FAM171B: variants seen among roughly 807,000 people sequenced by gnomAD.
FAM171B encodes family with sequence similarity 171 member B, also known as protein FAM171B.
A neutral mutation model predicts 75.6 loss-of-function variants in FAM171B; 19 were observed. The ratio of observed to expected loss-of-function variants is 0.25; its 90% CI spans 0.18 to 0.37. The LOEUF (loss-of-function observed/expected upper bound fraction) is 0.37. Among genes scored for constraint, FAM171B ranks in the 10% least tolerant of loss-of-function variants. FAM171B has a pLI of 1.00. For missense variants in FAM171B, 848 were observed against 982.4 expected (o/e 0.86, Z 1.83); for synonymous variants, 367 against 361.7 (o/e 1.01, Z -0.17).
At chr2:186,729,666 G>C (rs1307067335) in intron 1 of FAM171B, among the ~76,000 whole-genome samples, 1 of 151,768 alleles carries the variant, frequency 6.6e-6, no homozygotes, top group Admixed American at 6.6e-5. Context: ...GGTTTTTTTT[G>C]TTTTGTTTTG....
chr2:186,711,063 T>C (rs1264777301), intron 1 of FAM171B, among the ~76,000 whole-genome samples: 3 of 152,186 alleles, frequency 2.0e-5, no homozygotes, highest in African/African-American at 7.2e-5. Flanking sequence ...TAAAAACTTT[T>C]AAATAAGTGA....
At chr2:186,726,851 T>C (rs1225211973) in intron 1 of FAM171B, among the ~76,000 whole-genome samples, 4 of 152,350 alleles carry the variant, frequency 2.6e-5, no homozygotes, top group African/African-American at 9.6e-5. Flanking sequence ...ATTATAGTAA[T>C]GTAAAATATT....
At chr2:186,748,891 C>T (rs952602354) in intron 4 of FAM171B, among the ~76,000 whole-genome samples, 1 of 152,120 alleles carries the variant, frequency 6.6e-6, no homozygotes, top group Non-Finnish European at 1.5e-5. Context: ...TACACACTAT[C>T]ACAAATGAAG....
Position 186,694,237 on chromosome 2 carries a change from A to G in FAM171B, c.64A>G (p.Lys22Glu). The G allele has an allele frequency of 6.2e-7, 1 of 1,611,608 alleles. No individual in the cohort carries two copies. The highest frequency in any genetic ancestry group is 8.5e-7 in the Non-Finnish European group (1 of 1,179,856). ...LLLGLAVVLL[K>E]ARLVPAAARA... ...TCTCGGCCTGGCCGTGGTGCTGCTG[A>G]AAGCGCGGCTGGTCCCCGCGGCCGC... Residue 22 changes from lysine (K) to glutamate (E), a missense_variant, in exon 1 of 8, where the codon AAA becomes GAA. Physicochemically the swap from Lys to Glu is moderately conservative, Grantham distance 56. Around this residue, in one of 3 missense-constraint regions of FAM171B, gnomAD observed 665 missense variants for 729.0 expected, o/e 0.91. Coordinates refer to ENST00000304698, the MANE Select transcript of FAM171B (RefSeq NM_177454.4).
chr2:186,713,073 T>A (rs1417263296), intron 1 of FAM171B, among the ~76,000 whole-genome samples: 1 of 152,210 alleles, frequency 6.6e-6, no homozygotes, highest in Non-Finnish European at 1.5e-5. Flanking sequence ...CCTCAGTTCA[T>A]GGTTGTGATG....
At chr2:186,727,065 C>G (rs969813975) in intron 1 of FAM171B, among the ~76,000 whole-genome samples, 1 of 152,092 alleles carries the variant, frequency 6.6e-6, no homozygotes, top group African/African-American at 2.4e-5. Flanking sequence ...CCTCTTCCCT[C>G]TCTCCCCCCA....
At position 186,706,584 on chromosome 2, in the gene FAM171B, T is replaced by C. The variant is rs185795857; in HGVS notation, c.238+12173T>C. ...GGTGTTCCAAAGATAAATAATAGCA[T>C]GTGTTGAGTTTGGAAAGCTGCAGCT... On this transcript the variant is annotated intron_variant, in intron 1 of 7. Transcript: ENST00000304698. 3.9e-5 allele frequency among the ~76,000 whole-genome samples: 6 copies of C among 152,272 alleles called. No homozygotes were observed. The South Asian group carries it at 6.2e-4, about 16-fold the overall frequency.
chr2:186,696,689 A>G (rs755383998), intron 1 of FAM171B, among the ~76,000 whole-genome samples: 4 of 151,640 alleles, frequency 2.6e-5, no homozygotes, highest in Non-Finnish European at 5.9e-5. Flanking sequence ...TGGCCTTTGC[A>G]CTTGCCATTT....
At chr2:186,737,412 A>G (rs1377593405) in intron 1 of FAM171B, among the ~76,000 whole-genome samples, 3 of 152,084 alleles carry the variant, frequency 2.0e-5, no homozygotes, top group Non-Finnish European at 4.4e-5. Context: ...GCTGGAGTGC[A>G]GTGGTGTGAT....
chr2:186,696,924 T>C (rs1689590531), intron 1 of FAM171B, among the ~76,000 whole-genome samples: 1 of 152,174 alleles, frequency 6.6e-6, no homozygotes, highest in Non-Finnish European at 1.5e-5. Flanking sequence ...GACTTTGTTT[T>C]GTTCACTGCT....
At chr2:186,716,557 A>G (rs184703698) in intron 1 of FAM171B, among the ~76,000 whole-genome samples, 4 of 152,316 alleles carry the variant, frequency 2.6e-5, no homozygotes, top group African/African-American at 7.2e-5. Flanking sequence ...TGATTACTGC[A>G]TAATATTGCA....
At chr2:186,737,797 G>A (rs1337182975) in intron 1 of FAM171B, among the ~76,000 whole-genome samples, 1 of 152,214 alleles carries the variant, frequency 6.6e-6, no homozygotes, top group African/African-American at 2.4e-5. Context: ...TTTATTCTAA[G>A]AACTTTGACT....
chr2:186,734,624 G>C (rs1322820806), intron 1 of FAM171B, among the ~76,000 whole-genome samples: 2 of 152,206 alleles, frequency 1.3e-5, no homozygotes, highest in African/African-American at 4.8e-5. Flanking sequence ...GGAAGTACAT[G>C]CTGATTGGTC....
intron 2 of FAM171B, among the ~76,000 whole-genome samples, chr2:186,741,280 GAAAAT>G (rs1473794016): frequency 1.3e-5 from 2 of 151,858 alleles, no homozygotes; most frequent in Non-Finnish European, 1.5e-5. Flanking sequence ...TTAAATATAA[GAAAAT>G]AAACTATCTG....
At chr2:186,726,147 A>G (rs1690029755) in intron 1 of FAM171B, among the ~76,000 whole-genome samples, 1 of 152,232 alleles carries the variant, frequency 6.6e-6, no homozygotes, top group Non-Finnish European at 1.5e-5. Context: ...TTTGCTCCAT[A>G]ACATTTTATA....
At chr2:186,719,274 T>A (rs961493613) in intron 1 of FAM171B, among the ~76,000 whole-genome samples, 2 of 152,250 alleles carry the variant, frequency 1.3e-5, no homozygotes, top group African/African-American at 4.8e-5. Flanking sequence ...GCTTGTATCT[T>A]GCAGTTTCTG....
In FAM171B at chr2:186,763,726, T is replaced by A. The variant is rs1191197740; in HGVS notation, c.*903T>A. The A allele has an allele frequency of 5.3e-5, 8 of 151,124 alleles. No individual in the cohort carries two copies. Among genetic ancestry groups the A allele is most frequent in the South Asian group, 2.1e-4 (1 of 4,794 alleles). The allele number at this position is 151,124 out of a possible 1,614,324, so 9.4% of individuals were successfully genotyped here. A position where few individuals can be genotyped will look rare whatever the true frequency, so the allele number is the denominator to read the frequency against. ...TCAGTCACTTAAAGGCTATGAAATT[T>A]AAAAAAAAAGTCGATGTGAAAGTTT... On this transcript the variant is annotated 3_prime_UTR_variant, in exon 8 of 8. Transcript: ENST00000304698.
At chr2:186,724,064 GTATGGAAAAATAT>G (rs1689994826) in intron 1 of FAM171B, among the ~76,000 whole-genome samples, 1 of 152,190 alleles carries the variant, frequency 6.6e-6, no homozygotes, top group Non-Finnish European at 1.5e-5. Flanking sequence ...TAAGAAGGTA[GTATGGAAAAATAT>G]TATGGAAAAA....
At chr2:186,742,376 A>G (rs1332336979) in intron 2 of FAM171B, among the ~76,000 whole-genome samples, 1 of 152,106 alleles carries the variant, frequency 6.6e-6, no homozygotes, top group Non-Finnish European at 1.5e-5. Flanking sequence ...TCAAACTGTG[A>G]CCCTCCCACC....
Sources: allele counts gnomAD v4.1 joint callset (sites outside exome capture counted in the v4.1 genomes callset), GRCh38; gene constraint gnomAD v4.1.1; regional missense constraint gnomAD v4.1.1; transcripts MANE v1.5; gene names NCBI Gene and HGNC (gene_info 2026-07-23, HGNC 2026-07-21).